TMEM98: variants seen among roughly 807,000 people sequenced by gnomAD.
TMEM98 encodes transmembrane protein 98.
A neutral mutation model predicts 25.0 loss-of-function variants in TMEM98; 18 were observed. The observed-to-expected ratio is 0.72, with a 90% CI of 0.50 to 1.07. TMEM98 has a LOEUF of 1.07. Ranked by LOEUF, TMEM98 falls within the 50% of genes least tolerant of loss-of-function variation. TMEM98 has a pLI of 0.00. For synonymous variants in TMEM98, 103 were observed against 112.4 expected (o/e 0.92, Z 0.53); for missense variants, 241 against 289.0 (o/e 0.83, Z 1.20).
chr17:32,941,179 G>T lies in TMEM98; in HGVS notation c.*186G>T. 1 of 564,188 alleles carries T rather than the reference G, an allele frequency of 1.8e-6. No individual in the cohort carries two copies. The allele number at this position is 564,188 out of a possible 1,614,324, so 34.9% of individuals were successfully genotyped here. On this transcript the variant is annotated 3_prime_UTR_variant, in exon 8 of 8. Transcript: ENST00000579849. ...CTTTTGCAGTTGCAAACTGTGGCTG[G>T]TGAGTGGCAGTCTAATACTACAGTT... is the stretch of plus-strand genomic sequence containing the variant.
rs141073994 is a variant in TMEM98, at chr17:32,936,341, A to G, written c.307A>G (p.Thr103Ala). The G allele has an allele frequency of 1.4e-5, 22 of 1,613,872 alleles. No homozygotes were observed. The African/African-American group carries it at 1.5e-4, about 11-fold the overall frequency. Residue 103 changes from threonine to alanine, a missense_variant, in exon 6 of 8, where the codon ACT (threonine) becomes GCT (alanine). Physicochemically the swap from Thr to Ala is moderately conservative, Grantham distance 58. Transcript: ENST00000579849. Reference sequence around the variant, plus strand: ...CTCCCTGCCGCATTAGATTTGTCACACTCTGACAGAGAAGCTTGTTGCCAT... The same window carrying G: ...CTCCCTGCCGCATTAGATTTGTCACGCTCTGACAGAGAAGCTTGTTGCCAT... ...HCIAILKICH[T>A]LTEKLVAMTM...
chr17:32,938,493 T>C (rs766535349), intron 6 of TMEM98, among the ~76,000 whole-genome samples: 1 of 152,230 alleles, frequency 6.6e-6, no homozygotes, highest in Non-Finnish European at 1.5e-5. Context: ...CGAGTGTTCA[T>C]GAGCAAAGAT....
At position 32,939,461 on chromosome 17, in the gene TMEM98, T is replaced by C; in HGVS notation, c.414-16T>C. On this transcript the variant is annotated splice_polypyrimidine_tract_variant and intron_variant, in intron 6 of 7. Coordinates refer to ENST00000579849, the MANE Select transcript of TMEM98 (RefSeq NM_015544.3). ...TCAGGAAAGTGAAGTACTGAACACCTTTTGCCTCCGGTCAGGGTGGATGAT... is the reference window on the plus strand; with the variant it reads ...TCAGGAAAGTGAAGTACTGAACACCCTTTGCCTCCGGTCAGGGTGGATGAT... 1 of 1,611,526 alleles carries C rather than the reference T, an allele frequency of 6.2e-7. No individual in the cohort carries two copies. The highest frequency in any genetic ancestry group is 1.7e-5 in the Admixed American group (1 of 59,892).
chr17:32,930,793 C>T (rs1271236478), intron 1 of TMEM98: 1 of 152,182 alleles, frequency 6.6e-6, no homozygotes, highest in Non-Finnish European at 1.5e-5. Context: ...CAGAGTAGAT[C>T]CTCAGTAAAT....
At chr17:32,931,252 T>G (rs371788140) in intron 1 of TMEM98, 75 bp from the exon 2 acceptor site, 9 of 364,458 alleles carry the variant, frequency 2.5e-5, no homozygotes, top group African/African-American at 1.7e-4. Flanking sequence ...TTAGTCCAAC[T>G]GGGGAGCAAA....
chr17:32,943,615 TTAGG>T lies in TMEM98; in HGVS notation c.*2624_*2627del, dbSNP rs1289912129. ...GAGAACAAGATATTTGAAGTCAGAA[TTAGG>T]TTTGAATTTGGGCTCAGTGACTTAC... On this transcript the variant is annotated 3_prime_UTR_variant, in exon 8 of 8. Coordinates refer to ENST00000579849, the MANE Select transcript of TMEM98 (RefSeq NM_015544.3). 6.6e-6 allele frequency: 1 copy of T among 152,206 alleles called. No homozygotes were observed. The highest frequency in any genetic ancestry group is 2.4e-5 in the African/African-American group (1 of 41,442). The allele number at this position is 152,206 out of a possible 1,614,324, so 9.4% of individuals were successfully genotyped here.
chr17:32,928,693 C>T (rs1031889341), intron 1 of TMEM98, among the ~76,000 whole-genome samples: 9 of 151,976 alleles, frequency 5.9e-5, no homozygotes, highest in Non-Finnish European at 1.3e-4. Flanking sequence ...ACACACGCTC[C>T]GAGAAACACA....
intron 7 of TMEM98, 28 bp downstream of exon 7, chr17:32,939,564 G>A: frequency 6.2e-7 from 1 of 1,613,644 alleles, no homozygotes; most frequent in Non-Finnish European, 8.5e-7. Context: ...TGCATGTTCG[G>A]TTTTTCATGC....
chr17:32,943,164 A>C lies in TMEM98; in HGVS notation c.*2171A>C, dbSNP rs918942751. ...TTCTGTTGTGAGGAGAGGTTGCCGA[A>C]GATATTGGAGGTGTCTGCTGGACTG... is the stretch of plus-strand genomic sequence containing the variant. On this transcript the variant is annotated 3_prime_UTR_variant, in exon 8 of 8. Transcript: ENST00000579849. 18 of 152,308 alleles carry C rather than the reference A, an allele frequency of 1.2e-4. No homozygotes were observed. Among genetic ancestry groups the C allele is most frequent in the Non-Finnish European group, 2.6e-4 (18 of 68,126 alleles). 9.4% of individuals were successfully genotyped at this position (152,308 alleles called of 1,614,324 possible).
intron 4 of TMEM98, among the ~76,000 whole-genome samples, chr17:32,933,756 C>A (rs1411516311): frequency 6.6e-6 from 1 of 152,190 alleles, no homozygotes; most frequent in Non-Finnish European, 1.5e-5. Flanking sequence ...GTGGAGGGTA[C>A]TGGGTCAGGT....
At chr17:32,938,246 C>T (rs377673671) in intron 6 of TMEM98, among the ~76,000 whole-genome samples, 65 of 152,206 alleles carry the variant, frequency 4.3e-4, no homozygotes, top group African/African-American at 1.5e-3. Flanking sequence ...TGTTTTGTCC[C>T]CATTGTTTTT....
At chr17:32,930,980 A>C (rs1598198718) in intron 1 of TMEM98, 1 of 152,380 alleles carries the variant, frequency 6.6e-6, no homozygotes, top group African/African-American at 2.4e-5. Context: ...AGGTGGGTGC[A>C]TTACTTGAGG....
intron 6 of TMEM98, 60 bp downstream of exon 6, chr17:32,936,507 C>G: frequency 1.4e-6 from 2 of 1,448,666 alleles, no homozygotes; most frequent in Non-Finnish European, 1.9e-6. Context: ...GGGCTGGAAG[C>G]TGGGGTAGCC....
Position 32,931,643 on chromosome 17 carries a change from C to A in TMEM98, c.115C>A (p.Gln39Lys). Residue 39 changes from glutamine (Q) to lysine (K), a missense_variant, in exon 3 of 8, where the codon CAG (glutamine) becomes AAG (lysine). Physicochemically the swap from Gln to Lys is moderately conservative, Grantham distance 53. Transcript: ENST00000579849. ...CTACTGCCGGCCGCGAGACCTGCTGCAGCGCTATGATTCTAAGTGAGTGAG... is the reference window on the plus strand; with the variant it reads ...CTACTGCCGGCCGCGAGACCTGCTGAAGCGCTATGATTCTAAGTGAGTGAG... Reference protein sequence around the residue: ...QRYCRPRDLLQRYDSKPIVDL... With the variant: ...QRYCRPRDLLKRYDSKPIVDL... The A allele has an allele frequency of 6.2e-7, 1 of 1,605,644 alleles. No homozygotes were observed. The highest frequency in any genetic ancestry group is 8.5e-7 in the Non-Finnish European group (1 of 1,176,752).
intron 1 of TMEM98, among the ~76,000 whole-genome samples, chr17:32,929,316 C>T (rs764947887): frequency 6.6e-6 from 1 of 152,040 alleles, no homozygotes; most frequent in Non-Finnish European, 1.5e-5. Context: ...ACTCAGCTCA[C>T]ACACACCCAG....
chr17:32,931,502 G>C lies in TMEM98; in HGVS notation c.-27G>C, dbSNP rs11558976. 4.5e-5 allele frequency: 72 copies of C among 1,600,596 alleles called. No homozygotes were observed. The highest frequency in any genetic ancestry group is 5.8e-5 in the Non-Finnish European group (68 of 1,174,036). ...TTAGCCCATGAGGAGGATGTGACCG[G>C]GACTGAGTCAGGAGCCCTCTGGAAG... On this transcript the variant is annotated 5_prime_UTR_variant, in exon 3 of 8. Transcript: ENST00000579849.
At chr17:32,934,249 C>A (rs767264446) in intron 4 of TMEM98, 42 bp from the exon 5 acceptor site, 24 of 1,609,714 alleles carry the variant, frequency 1.5e-5, no homozygotes, top group Non-Finnish European at 2.0e-5. Context: ...GGGTGGTGGG[C>A]CCCTCCAGAT....
intron 4 of TMEM98, among the ~76,000 whole-genome samples, chr17:32,933,599 C>T (rs1289003836): frequency 6.6e-6 from 1 of 152,172 alleles, no homozygotes; most frequent in East Asian, 1.9e-4. Context: ...AAATTTGGCT[C>T]AGGCTTCAGA....
In TMEM98 at chr17:32,939,484, G is replaced by A; in HGVS notation, c.421G>A (p.Asp141Asn). ...VAKRISPRVD[D>N]VVKSMYPPLD... ...CCTTTTGCCTCCGGTCAGGGTGGAT[G>A]ATGTTGTGAAGTCGATGTACCCTCC... Residue 141 changes from aspartate to asparagine, a missense_variant, in exon 7 of 8, where the codon GAT (aspartate) becomes AAT (asparagine). Transcript: ENST00000579849. 1 of 1,614,092 alleles carries A rather than the reference G, an allele frequency of 6.2e-7. No homozygotes were observed. Among genetic ancestry groups the A allele is most frequent in the South Asian group, 1.1e-5 (1 of 91,086 alleles).
Sources: gnomAD v4.1 joint callset for allele counts (sites outside exome capture counted in the v4.1 genomes callset) on GRCh38, gnomAD v4.1.1 for gene constraint, MANE v1.5 for transcripts, NCBI Gene and HGNC (gene_info 2026-07-23, HGNC 2026-07-21) for gene names.